The following EHMT2 variants were observed in gnomAD, a reference collection of about 807,000 sequenced individuals.
EHMT2 encodes the protein histone-lysine N-methyltransferase EHMT2.
In EHMT2, 59 loss-of-function variants were observed where a neutral mutation model predicts 143.3. The ratio of observed to expected loss-of-function variants is 0.41; its 90% CI spans 0.33 to 0.51. The LOEUF (loss-of-function observed/expected upper bound fraction) is 0.51. Among genes scored for constraint, EHMT2 ranks in the 20% least tolerant of loss-of-function variants. The pLI, the probability that EHMT2 is intolerant of heterozygous loss-of-function variation, is 0.18. For missense variants in EHMT2, 1,174 were observed against 1,645.9 expected (o/e 0.71, Z 4.96); for synonymous variants, 604 against 651.5 (o/e 0.93, Z 1.11).
In EHMT2 at chr6:31,881,065, A is replaced by C. The variant is rs768698443; in HGVS notation, c.3225T>G (p.Ala1075=). ...AATCATCCTCTCTCACATCAGCCTC[A>C]GCATCAGAGATCAGCTCCCCGACAT... The change falls in exon 26 of 28, where the codon GCT becomes GCG. Residue 1075 remains alanine, a synonymous_variant. Coordinates refer to ENST00000375537, the Ensembl canonical transcript of EHMT2. The surrounding 1 kb of genome is among the most constrained non-coding windows in gnomAD (Gnocchi z 4.8). 1.2e-6 allele frequency: 2 copies of C among 1,612,972 alleles called. No individual in the cohort carries two copies. The highest frequency in any genetic ancestry group is 1.7e-6 in the Non-Finnish European group (2 of 1,180,008).
At chr6:31,897,661 C>G in exon 1 of EHMT2, 1 of 1,163,920 alleles carries the variant, frequency 8.6e-7, no homozygotes, top group Non-Finnish European at 1.1e-6. Flanking sequence ...CGCTGCAGCT[C>G]CCGCCGCCGC....
chr6:31,885,307 C>G lies in EHMT2; in HGVS notation c.2344-291G>C, dbSNP rs373232393. ...TGTGGCCAACACGGTGAAACCCTGT[C>G]TCTACTAAAAAATAGAAAAAATTAG... is the stretch of plus-strand genomic sequence containing the variant. On this transcript the variant is annotated intron_variant, in intron 18 of 27. Transcript: ENST00000375537. 9 of 292,394 alleles carry G rather than the reference C, an allele frequency of 3.1e-5. No homozygotes were observed. The South Asian group carries it at 7.9e-4, about 26-fold the overall frequency. 18.1% of individuals were successfully genotyped at this position (292,394 alleles called of 1,614,324 possible).
chr6:31,882,419 G>C lies in EHMT2; in HGVS notation c.3197+280C>G, dbSNP rs73728988. On this transcript the variant is annotated intron_variant, in intron 25 of 27. Transcript: ENST00000375537. ...TTCTCCAGCTAGGAAGGGCGAGGAG[G>C]GGGTGGAGGGGAAGGTAGAGGGTGG... is the stretch of plus-strand genomic sequence containing the variant. Among the ~76,000 whole-genome samples, 698 of 152,266 alleles carry C rather than the reference G, an allele frequency of 4.6e-3. 5 individuals are homozygous for C. Among genetic ancestry groups the C allele is most frequent in the African/African-American group, 0.015 (613 of 41,556 alleles).
chr6:31,882,921 T>C (rs1562476321), exon 24 of EHMT2: 1 of 1,612,980 alleles, frequency 6.2e-7, no homozygotes, highest in Admixed American at 1.7e-5. Context: ...GACCCGGTTC[T>C]TGCAGTTTCT....
chr6:31,889,728 T>C lies in EHMT2; in HGVS notation c.865-126A>G. ...GATGGCTGCTGGGGATAAGTGTGGG[T>C]AGCAGAGGAGACAAAGGGCCACATA... On this transcript the variant is annotated intron_variant, in intron 7 of 27. Transcript: ENST00000375537. This position sits in a 1 kb window ranked among gnomAD's most constrained non-coding sequence, Gnocchi z 5.1. The C allele has an allele frequency of 3.3e-6, 4 of 1,227,438 alleles. No homozygotes were observed. The South Asian group carries it at 5.1e-5, about 16-fold the overall frequency. 76.0% of individuals were successfully genotyped at this position (1,227,438 alleles called of 1,614,324 possible). A position where few individuals can be genotyped will look rare whatever the true frequency, so the allele number is the denominator to read the frequency against.
At chr6:31,886,732 G>A (rs1170458359) in intron 17 of EHMT2, 43 bp downstream of exon 17, 1 of 1,613,760 alleles carries the variant, frequency 6.2e-7, no homozygotes, top group East Asian at 2.2e-5. Context: ...CCCAAACCTG[G>A]TCCCTGACTC....
exon 4 of EHMT2, chr6:31,896,433 C>G (rs1205049034): frequency 6.2e-7 from 1 of 1,613,068 alleles, no homozygotes. Context: ...GGTGATTTTC[C>G]CGCCCCTGTC....
intron 15 of EHMT2, among the ~76,000 whole-genome samples, chr6:31,887,365 G>C (rs903510093): frequency 6.6e-6 from 1 of 152,192 alleles, no homozygotes; most frequent in African/African-American, 2.4e-5. Flanking sequence ...TGCAAGCCAA[G>C]GCTAACAGGT....
Position 31,881,308 on chromosome 6 carries a change from A to G in EHMT2, c.3198-216T>C, listed in dbSNP as rs1764074784. The G allele has an allele frequency of 1.6e-6, 1 of 616,098 alleles. No homozygotes were observed. Among genetic ancestry groups the G allele is most frequent in the Non-Finnish European group, 2.9e-6 (1 of 344,002 alleles). 38.2% of individuals were successfully genotyped at this position (616,098 alleles called of 1,614,324 possible). On this transcript the variant is annotated intron_variant, in intron 25 of 27. Coordinates refer to ENST00000375537, the Ensembl canonical transcript of EHMT2. This position sits in a 1 kb window ranked among gnomAD's most constrained non-coding sequence, Gnocchi z 4.8. ...TCAGTCAGCACAGAGACAGACAACA[A>G]GCTCTGTGGTTAAGGGGATTAATGT... is the stretch of plus-strand genomic sequence containing the variant.
At position 31,883,652 on chromosome 6, in the gene EHMT2, A is replaced by G; in HGVS notation, c.2916+154T>C. The G allele has an allele frequency of 1.7e-6, 2 of 1,189,446 alleles. No individual in the cohort carries two copies. The highest frequency in any genetic ancestry group is 2.4e-6 in the Non-Finnish European group (2 of 830,488). 73.7% of individuals were successfully genotyped at this position (1,189,446 alleles called of 1,614,324 possible). A position where few individuals can be genotyped will look rare whatever the true frequency, so the allele number is the denominator to read the frequency against. On this transcript the variant is annotated intron_variant, in intron 22 of 27. Coordinates refer to ENST00000375537, the Ensembl canonical transcript of EHMT2. The surrounding 1 kb of genome is among the most constrained non-coding windows in gnomAD (Gnocchi z 5.6). The stretch of plus-strand genomic sequence containing the variant: ...TGATACCTTGCTGTGACCTAGGAAA[A>G]GGATCCCTCCCCTGGTGGGGATGCG...
Position 31,888,833 on chromosome 6 carries a change from C to G in EHMT2, c.1217-86G>C, listed in dbSNP as rs1345554846. 2.0e-6 allele frequency: 3 copies of G among 1,536,896 alleles called. No homozygotes were observed. The African/African-American group carries it at 4.1e-5, about 21-fold the overall frequency. ...GCGGGTCCTCTCACTCCCTCCCTAC[C>G]CCACCCCGCCATGCCCCAGAACCCC... On this transcript the variant is annotated intron_variant, in intron 10 of 27. Coordinates refer to ENST00000375537, the Ensembl canonical transcript of EHMT2. This position sits in a 1 kb window ranked among gnomAD's most constrained non-coding sequence, Gnocchi z 7.4.
Position 31,888,339 on chromosome 6 carries a change from C to G in EHMT2, c.1509+24G>C. 1 of 1,611,902 alleles carries G rather than the reference C, an allele frequency of 6.2e-7. No individual in the cohort carries two copies. The highest frequency in any genetic ancestry group is 8.5e-7 in the Non-Finnish European group (1 of 1,179,356). Reference sequence around the variant, plus strand: ...CCCCCTCTGCCACAGGGCATGCTACCTGTCTGCCCCACTGGTCACTCACCG... The same window carrying G: ...CCCCCTCTGCCACAGGGCATGCTACGTGTCTGCCCCACTGGTCACTCACCG... On this transcript the variant is annotated intron_variant, in intron 12 of 27. Coordinates refer to ENST00000375537, the Ensembl canonical transcript of EHMT2. The surrounding 1 kb of genome is among the most constrained non-coding windows in gnomAD (Gnocchi z 7.4).
chr6:31,881,163 T>C lies in EHMT2; in HGVS notation c.3198-71A>G. The C allele has an allele frequency of 7.5e-7, 1 of 1,332,930 alleles. No individual in the cohort carries two copies. The highest frequency in any genetic ancestry group is 1.4e-5 in the African/African-American group (1 of 69,550). The allele number at this position is 1,332,930 out of a possible 1,614,324, so 82.6% of individuals were successfully genotyped here. On this transcript the variant is annotated intron_variant, in intron 25 of 27. Coordinates refer to ENST00000375537, the Ensembl canonical transcript of EHMT2. The surrounding 1 kb of genome is among the most constrained non-coding windows in gnomAD (Gnocchi z 4.8). Reference sequence around the variant, plus strand: ...AGGAGGTGGCTCCAGGCCCCATCTCTCTTCACAAGCCTGTGGAATCTGGAA... The same window carrying C: ...AGGAGGTGGCTCCAGGCCCCATCTCCCTTCACAAGCCTGTGGAATCTGGAA...
chr6:31,889,199 G>A lies in EHMT2; in HGVS notation c.1114+29C>T. 6.3e-7 allele frequency: 1 copy of A among 1,582,688 alleles called. No individual in the cohort carries two copies. The highest frequency in any genetic ancestry group is 1.8e-5 in the Admixed American group (1 of 55,198). On this transcript the variant is annotated intron_variant, in intron 9 of 27. Coordinates refer to ENST00000375537, the Ensembl canonical transcript of EHMT2. The surrounding 1 kb of genome is among the most constrained non-coding windows in gnomAD (Gnocchi z 5.1). ...CTGGGGGGCCGGGCGGGGGCTGGAG[G>A]GCACCCAAAAGCAGCAGAGCCTCCT... is the stretch of plus-strand genomic sequence containing the variant.
Position 31,880,151 on chromosome 6 carries a change from A to G in EHMT2, c.3566T>C (p.Leu1189Pro). The G allele has an allele frequency of 3.1e-6, 5 of 1,613,026 alleles. No homozygotes were observed. The highest frequency in any genetic ancestry group is 3.4e-6 in the Non-Finnish European group (4 of 1,180,022). Reference sequence around the variant, plus strand: ...CTCAGGGTGTGGGTCCAGGCGGGCCAGACGGCTCTGCTCCAGGGCAATGGC... The same window carrying G: ...CTCAGGGTGTGGGTCCAGGCGGGCCGGACGGCTCTGCTCCAGGGCAATGGC... The change falls in exon 28 of 28, where the codon CTG (leucine) becomes CCG (proline). Residue 1189 changes from leucine to proline, a missense_variant. By Grantham distance (98) the Leu-to-Pro change is moderately conservative. Transcript: ENST00000375537. This position sits in a 1 kb window ranked among gnomAD's most constrained non-coding sequence, Gnocchi z 6.6.
At chr6:31,892,601 T>C (rs1291581523) in intron 6 of EHMT2, 39 bp from the exon 7 acceptor site, 4 of 1,612,720 alleles carry the variant, frequency 2.5e-6, no homozygotes, top group Admixed American at 3.3e-5. Flanking sequence ...ACTGACACCC[T>C]GCGCATTTCT....
At chr6:31,894,980 T>C (rs780701533) in intron 4 of EHMT2, among the ~76,000 whole-genome samples, 23 of 152,332 alleles carry the variant, frequency 1.5e-4, no homozygotes, top group Non-Finnish European at 2.4e-4. Context: ...GTTATTATTG[T>C]TGTTAATCTC....
Position 31,883,469 on chromosome 6 carries a change from C to A in EHMT2, c.2917-30G>T, listed in dbSNP as rs1764385135. 1 of 1,602,096 alleles carries A rather than the reference C, an allele frequency of 6.2e-7. No homozygotes were observed. The highest frequency in any genetic ancestry group is 8.5e-7 in the Non-Finnish European group (1 of 1,174,284). ...GGCGAGGAGGCAGAGGTCAGCTCAA[C>A]CCCATGATCGGTCTGGGCCCCTCTA... On this transcript the variant is annotated intron_variant, in intron 22 of 27. Coordinates refer to ENST00000375537, the Ensembl canonical transcript of EHMT2. The surrounding 1 kb of genome is among the most constrained non-coding windows in gnomAD (Gnocchi z 5.6).
At chr6:31,886,614 C>G in exon 18 of EHMT2, 1 of 1,613,308 alleles carries the variant, frequency 6.2e-7, no homozygotes, top group South Asian at 1.1e-5. Flanking sequence ...CTGTGCTCAG[C>G]AGCAGGCTGA....
Sources: gnomAD v4.1 joint callset for allele counts (sites outside exome capture counted in the v4.1 genomes callset) on GRCh38, gnomAD v4.1.1 for gene constraint, Gnocchi (gnomAD v3.1) non-coding constraint, MANE v1.5 for transcripts, NCBI Gene and HGNC (gene_info 2026-07-23, HGNC 2026-07-21) for gene names.